The following RAP1GAP2 variants were observed in gnomAD, a reference collection of about 807,000 sequenced individuals.
The protein encoded by RAP1GAP2 is RAP1 GTPase activating protein 2, also known as rap1 GTPase-activating protein 2.
A neutral mutation model predicts 95.0 loss-of-function variants in RAP1GAP2; 27 were observed. The ratio of observed to expected loss-of-function variants is 0.28; its 90% CI spans 0.21 to 0.39. The LOEUF is 0.39. Ranked by LOEUF, RAP1GAP2 falls within the 10% of genes least tolerant of loss-of-function variation. The pLI, the probability that RAP1GAP2 is intolerant of heterozygous loss-of-function variation, is 1.00. For synonymous variants in RAP1GAP2, 373 were observed against 380.9 expected (o/e 0.98, Z 0.24); for missense variants, 771 against 970.0 (o/e 0.79, Z 2.72).
At chr17:2,945,508 C>A (rs2043668887) in intron 3 of RAP1GAP2, among the ~76,000 whole-genome samples, 1 of 151,826 alleles carries the variant, frequency 6.6e-6, no homozygotes, top group Non-Finnish European at 1.5e-5. Flanking sequence ...TTTAGTACAC[C>A]CAATGGTAGT....
Position 2,758,155 on chromosome 17 carries a change from C to T in RAP1GAP2, c.50+2388C>T, listed in dbSNP as rs1268426371. On this transcript the variant is annotated intron_variant, in intron 1 of 25. Transcript: ENST00000637138. ...AAGTGCTGGGATTACAGGCGTGAGCCACCACGCCTGGCCACGCCCCCCCCC... is the reference window on the plus strand; with the variant it reads ...AAGTGCTGGGATTACAGGCGTGAGCTACCACGCCTGGCCACGCCCCCCCCC... 4.0e-5 allele frequency among the ~76,000 whole-genome samples: 6 copies of T among 150,414 alleles called. No individual in the cohort carries two copies. The South Asian group carries it at 6.3e-4, about 16-fold the overall frequency.
chr17:2,790,052 G>A (rs1361300727), intron 1 of RAP1GAP2, among the ~76,000 whole-genome samples: 1 of 151,894 alleles, frequency 6.6e-6, no homozygotes, highest in Non-Finnish European at 1.5e-5. Flanking sequence ...TGGGGTTGCT[G>A]GCCCTGAATG....
rs760498853 is a variant in RAP1GAP2 at position 2,843,148 on chromosome 17, A to G, written c.80+42598A>G. 5.6e-4 allele frequency among the ~76,000 whole-genome samples: 86 copies of G among 152,286 alleles called. 1 individual carries two copies. The highest frequency in any genetic ancestry group is 9.7e-4 in the Non-Finnish European group (66 of 68,016). Reference sequence around the variant, plus strand: ...AAACCCAAAACCTCAACCTGGAATAATACATGAAGAAAACAAGCCAGCGGC... The same window carrying G: ...AAACCCAAAACCTCAACCTGGAATAGTACATGAAGAAAACAAGCCAGCGGC... On this transcript the variant is annotated intron_variant, in intron 2 of 24. Coordinates refer to ENST00000254695, the MANE Select transcript of RAP1GAP2 (RefSeq NM_015085.5).
intron 3 of RAP1GAP2, among the ~76,000 whole-genome samples, chr17:2,923,246 G>T (rs1341316436): frequency 5.3e-5 from 8 of 151,876 alleles, no homozygotes; most frequent in Non-Finnish European, 1.2e-4. Flanking sequence ...CACCATGTCG[G>T]CCAGGCTGGT....
At chr17:3,023,984 C>G (rs1327494990) in intron 19 of RAP1GAP2, among the ~76,000 whole-genome samples, 1 of 152,324 alleles carries the variant, frequency 6.6e-6, no homozygotes, top group East Asian at 1.9e-4. Context: ...AGGACATGAA[C>G]TCATTCTTTT....
intron 3 of RAP1GAP2, among the ~76,000 whole-genome samples, chr17:2,928,950 C>G (rs1416587639): frequency 6.6e-6 from 1 of 152,072 alleles, no homozygotes; most frequent in Non-Finnish European, 1.5e-5. Context: ...GGGTGGGGAG[C>G]TGTCTGGGTT....
chr17:2,985,862 G>A (rs921234217), intron 11 of RAP1GAP2, among the ~76,000 whole-genome samples: 2 of 151,864 alleles, frequency 1.3e-5, no homozygotes. Context: ...CCATACTTAC[G>A]GACACAAACT....
At chr17:2,778,088 A>G (rs992414626) in intron 1 of RAP1GAP2, among the ~76,000 whole-genome samples, 1 of 151,510 alleles carries the variant, frequency 6.6e-6, no homozygotes, top group Non-Finnish European at 1.5e-5. Context: ...TTTTCAGGCG[A>G]AAGTCCCAGC....
intron 2 of RAP1GAP2, among the ~76,000 whole-genome samples, chr17:2,811,122 C>T (rs948652619): frequency 6.6e-6 from 1 of 152,090 alleles, no homozygotes; most frequent in Non-Finnish European, 1.5e-5. Context: ...GCTTTTTCAC[C>T]CTGAGTCTTC....
At chr17:2,799,539 G>A (rs913006605) in intron 1 of RAP1GAP2, among the ~76,000 whole-genome samples, 8 of 152,162 alleles carry the variant, frequency 5.3e-5, no homozygotes, top group South Asian at 2.1e-4. Context: ...GAAGGGTGCC[G>A]GAAAGAGCCT....
Position 2,891,814 on chromosome 17 carries a change from CTTTT to C in RAP1GAP2, c.81-13447_81-13444del, listed in dbSNP as rs917540694. Among the ~76,000 whole-genome samples, 6 of 54,286 alleles carry C rather than the reference CTTTT, an allele frequency of 1.1e-4. 1 individual carries two copies. Among genetic ancestry groups the C allele is most frequent in the Middle Eastern group, 0.026 (1 of 38 alleles). The allele number at this position is 54,286 out of a possible 152,430, so 35.6% of individuals were successfully genotyped here. On this transcript the variant is annotated intron_variant, in intron 2 of 24. Coordinates refer to ENST00000254695, the MANE Select transcript of RAP1GAP2 (RefSeq NM_015085.5). ...TGATATGCAGATTCATATTTCTTTT[CTTTT>C]TTTTTTTTTTTTTTTTTTTTTTGAG...
chr17:2,877,262 C>T (rs1049554059), intron 2 of RAP1GAP2, among the ~76,000 whole-genome samples: 8 of 152,268 alleles, frequency 5.3e-5, no homozygotes, highest in South Asian at 4.1e-4. Context: ...CATCCAGAGA[C>T]GGATCATATC....
intron 3 of RAP1GAP2, among the ~76,000 whole-genome samples, chr17:2,939,697 AG>A (rs1008376270): frequency 6.2e-4 from 94 of 152,086 alleles, no homozygotes; most frequent in Non-Finnish European, 2.6e-4. Flanking sequence ...GCAGGGATGG[AG>A]GGGGGAGGCT....
chr17:2,884,283 A>G (rs1000534306), intron 2 of RAP1GAP2, among the ~76,000 whole-genome samples: 2 of 151,404 alleles, frequency 1.3e-5, no homozygotes, highest in African/African-American at 4.9e-5. Context: ...CCTTTCATTC[A>G]TTCTTTGCTT....
At chr17:2,980,832 T>G (rs2045329103) in intron 9 of RAP1GAP2, among the ~76,000 whole-genome samples, 1 of 152,104 alleles carries the variant, frequency 6.6e-6, no homozygotes, top group African/African-American at 2.4e-5. Flanking sequence ...GTTAGCAAAG[T>G]GGGTGAGCAA....
At chr17:2,913,076 G>A (rs1215506969) in intron 3 of RAP1GAP2, among the ~76,000 whole-genome samples, 1 of 152,108 alleles carries the variant, frequency 6.6e-6, no homozygotes, top group African/African-American at 2.4e-5. Flanking sequence ...TACTCTGGAG[G>A]CCAAGGTGGG....
Position 2,948,301 on chromosome 17 carries a change from AGAGGAGCCCAGGGCCAGG to A in RAP1GAP2, c.166-9456_166-9439del, listed in dbSNP as rs570603471. 3.8e-3 allele frequency among the ~76,000 whole-genome samples: 584 copies of A among 152,286 alleles called. 7 individuals are homozygous for A. Among genetic ancestry groups the A allele is most frequent in the Non-Finnish European group, 1.5e-3 (103 of 68,020 alleles). Reference sequence around the variant, plus strand: ...ACACCCCCACCTCCAGAAGCAGAGGAGAGGAGCCCAGGGCCAGGGCAGGTAGCTCAGCAAGGACCCAGC... The same window carrying A: ...ACACCCCCACCTCCAGAAGCAGAGGAGCAGGTAGCTCAGCAAGGACCCAGC... On this transcript the variant is annotated intron_variant, in intron 3 of 24. Coordinates refer to ENST00000254695, the MANE Select transcript of RAP1GAP2 (RefSeq NM_015085.5).
intron 3 of RAP1GAP2, among the ~76,000 whole-genome samples, chr17:2,920,659 G>A (rs79680810): frequency 0.035 from 5,400 of 152,318 alleles, 159 homozygotes; most frequent in African/African-American, 0.08. Context: ...GGAAGCAGGC[G>A]GACGAGGGCT....
chr17:2,896,848 C>T (rs555165403), intron 2 of RAP1GAP2, among the ~76,000 whole-genome samples: 15 of 152,330 alleles, frequency 9.8e-5, no homozygotes, highest in African/African-American at 3.4e-4. Flanking sequence ...CCGAGTCTGG[C>T]CCGGGCCTCC....
Sources: allele counts gnomAD v4.1 joint callset (sites outside exome capture counted in the v4.1 genomes callset), GRCh38; gene constraint gnomAD v4.1.1; transcripts MANE v1.5; gene names NCBI Gene and HGNC (gene_info 2026-07-23, HGNC 2026-07-21).